The following CRPPA variants were observed in gnomAD, a reference collection of about 807,000 sequenced individuals.
CRPPA encodes the protein D-ribitol-5-phosphate cytidylyltransferase.
In CRPPA, 43 loss-of-function variants were observed where a neutral mutation model predicts 52.0. That is an observed-to-expected ratio of 0.83 (90% CI 0.65 to 1.07). The LOEUF (loss-of-function observed/expected upper bound fraction) is 1.07, where lower values mean the gene tolerates loss of function less well. Ranked by LOEUF, CRPPA falls within the 50% of genes least tolerant of loss-of-function variation. The pLI, the probability that CRPPA is intolerant of heterozygous loss-of-function variation, is 0.00. For synonymous variants in CRPPA, 250 were observed against 203.5 expected (o/e 1.23, Z -1.94); for missense variants, 629 against 551.7 (o/e 1.14, Z -1.40).
intron 9 of CRPPA, among the ~76,000 whole-genome samples, chr7:16,196,740 A>G (rs1781745108): frequency 6.6e-6 from 1 of 152,124 alleles, no homozygotes; most frequent in Non-Finnish European, 1.5e-5. Context: ...ATTAGGTGAG[A>G]AGGCCTATTT....
intron 2 of CRPPA, among the ~76,000 whole-genome samples, chr7:16,385,613 G>C (rs2128313805): frequency 6.6e-6 from 1 of 152,284 alleles, no homozygotes; most frequent in East Asian, 1.9e-4. Context: ...GAAAAAAGTA[G>C]CAACAAATGT....
At chr7:16,119,662 A>G (rs1782444755) in intron 9 of CRPPA, among the ~76,000 whole-genome samples, 2 of 152,226 alleles carry the variant, frequency 1.3e-5, no homozygotes, top group Non-Finnish European at 2.9e-5. Context: ...CCAGGTTTGC[A>G]CCAAAAGAAA....
At chr7:16,386,223 G>C (rs770803756) in intron 2 of CRPPA, among the ~76,000 whole-genome samples, 25 of 152,096 alleles carry the variant, frequency 1.6e-4, no homozygotes, top group Non-Finnish European at 2.4e-4. Context: ...TCTTCTCTCT[G>C]ACCACCCCCA....
Position 16,087,542 on chromosome 7 carries a change from AATTT to A in CRPPA, c.*4149_*4152del, listed in dbSNP as rs1227801234. 1 of 151,838 alleles carries A rather than the reference AATTT, an allele frequency of 6.6e-6. No individual in the cohort carries two copies. The highest frequency in any genetic ancestry group is 2.4e-5 in the African/African-American group (1 of 41,418). The allele number at this position is 151,838 out of a possible 1,614,324, so 9.4% of individuals were successfully genotyped here. On this transcript the variant is annotated 3_prime_UTR_variant, in exon 10 of 10. Coordinates refer to ENST00000407010, the MANE Select transcript of CRPPA (RefSeq NM_001101426.4). The stretch of plus-strand genomic sequence containing the variant: ...AAATGCCATTAGATTTTAAATCAAT[AATTT>A]ATTTACATTTTGTTTTGTAAAAACA...
chr7:16,342,789 ATATATATATC>A lies in CRPPA; in HGVS notation c.684+33293_684+33302del, dbSNP rs1252529007. On this transcript the variant is annotated intron_variant, in intron 3 of 9. Coordinates refer to ENST00000407010, the MANE Select transcript of CRPPA (RefSeq NM_001101426.4). ...AAAAAAAAAAAAAAAAAAAATATAT[ATATATATATC>A]TATATAGATATATAGATATACATAT... Among the ~76,000 whole-genome samples, 15 of 99,054 alleles carry A rather than the reference ATATATATATC, an allele frequency of 1.5e-4. 2 individuals are homozygous for A. The highest frequency in any genetic ancestry group is 1.8e-4 in the African/African-American group (5 of 27,616). The allele number at this position is 99,054 out of a possible 152,430, so 65.0% of individuals were successfully genotyped here.
chr7:16,367,347 G>A (rs1342411887), intron 3 of CRPPA, among the ~76,000 whole-genome samples: 1 of 152,158 alleles, frequency 6.6e-6, no homozygotes, highest in Admixed American at 6.6e-5. Context: ...AGCCAGGGAG[G>A]AAGGCAGGAA....
chr7:16,303,001 GAAT>G (rs1784822831), intron 4 of CRPPA, among the ~76,000 whole-genome samples: 1 of 152,050 alleles, frequency 6.6e-6, no homozygotes, highest in African/African-American at 2.4e-5. Flanking sequence ...TGGAAAAAAT[GAAT>G]AACCCATCAA....
At chr7:16,413,015 A>G (rs775457171) in intron 1 of CRPPA, among the ~76,000 whole-genome samples, 3 of 152,218 alleles carry the variant, frequency 2.0e-5, no homozygotes, top group Non-Finnish European at 2.9e-5. Context: ...GGCCCTGTTA[A>G]CACCTCTGAA....
At chr7:16,404,649 C>A (rs1419469224) in intron 2 of CRPPA, among the ~76,000 whole-genome samples, 3 of 151,638 alleles carry the variant, frequency 2.0e-5, no homozygotes, top group African/African-American at 7.3e-5. Context: ...GTATAATATG[C>A]GTTGCAATGA....
At chr7:16,159,152 C>T (rs1783248166) in intron 9 of CRPPA, among the ~76,000 whole-genome samples, 2 of 152,174 alleles carry the variant, frequency 1.3e-5, no homozygotes, top group South Asian at 4.2e-4. Flanking sequence ...TGCGGTGGCT[C>T]ACACCTGTAA....
intron 8 of CRPPA, among the ~76,000 whole-genome samples, chr7:16,235,567 C>T (rs1406793906): frequency 2.0e-5 from 3 of 152,016 alleles, no homozygotes; most frequent in Admixed American, 1.3e-4. Flanking sequence ...GACATGAAAA[C>T]AGCAGAGTTG....
At chr7:16,196,981 G>A (rs1249125416) in intron 9 of CRPPA, among the ~76,000 whole-genome samples, 1 of 151,778 alleles carries the variant, frequency 6.6e-6, no homozygotes, top group East Asian at 1.9e-4. Flanking sequence ...AACACAACAG[G>A]TGCTTTGTTC....
At chr7:16,378,919 G>C (rs187526171) in intron 2 of CRPPA, among the ~76,000 whole-genome samples, 2,659 of 152,244 alleles carry the variant, frequency 0.017, 59 homozygotes, top group African/African-American at 0.049. Context: ...CTTTTGAGAA[G>C]TGTCTGTTCA....
chr7:16,419,261 G>C (rs1788270707), intron 1 of CRPPA, among the ~76,000 whole-genome samples: 1 of 152,184 alleles, frequency 6.6e-6, no homozygotes, highest in Non-Finnish European at 1.5e-5. Context: ...AGTCATATGA[G>C]AACCTGAAAC....
chr7:16,350,884 T>G (rs1786133818), intron 3 of CRPPA, among the ~76,000 whole-genome samples: 2 of 152,052 alleles, frequency 1.3e-5, no homozygotes, highest in South Asian at 4.1e-4. Context: ...ACACTCAGAC[T>G]GAAAGTGAAG....
chr7:16,278,252 A>G (rs1320894138), intron 5 of CRPPA, 26 bp from the exon 6 acceptor site: 1 of 1,214,252 alleles, frequency 8.2e-7, no homozygotes, highest in East Asian at 2.4e-5. Flanking sequence ...AAAAGTTTTA[A>G]GTTTCAAACA....
At chr7:16,373,108 A>G (rs1349469195) in intron 3 of CRPPA, among the ~76,000 whole-genome samples, 1 of 152,202 alleles carries the variant, frequency 6.6e-6, no homozygotes, top group African/African-American at 2.4e-5. Context: ...CAGCCTGGCC[A>G]ACATGGTGAA....
rs147028882 is a variant in CRPPA at position 16,363,932 on chromosome 7, G to T, written c.684+12160C>A. Among the ~76,000 whole-genome samples the T allele has an allele frequency of 2.5e-3, 384 of 152,148 alleles. 2 individuals are homozygous for T. The highest frequency in any genetic ancestry group is 8.7e-3 in the African/African-American group (361 of 41,548). On this transcript the variant is annotated intron_variant, in intron 3 of 9. Coordinates refer to ENST00000407010, the MANE Select transcript of CRPPA (RefSeq NM_001101426.4). Reference sequence around the variant, plus strand: ...AGAGCAAATGTCAGTTAGAAAACATGATAGAAAATAACATATTAGAACAGA... The same window carrying T: ...AGAGCAAATGTCAGTTAGAAAACATTATAGAAAATAACATATTAGAACAGA...
intron 9 of CRPPA, among the ~76,000 whole-genome samples, chr7:16,111,046 T>C (rs1326522025): frequency 6.6e-6 from 1 of 152,026 alleles, no homozygotes; most frequent in Admixed American, 6.6e-5. Context: ...ATTTAAAATA[T>C]TTAAGTAGCT....
Sources: allele counts gnomAD v4.1 joint callset (sites outside exome capture counted in the v4.1 genomes callset), GRCh38; gene constraint gnomAD v4.1.1; transcripts MANE v1.5; gene names NCBI Gene and HGNC (gene_info 2026-07-23, HGNC 2026-07-21).